MYO5A: variants seen among roughly 807,000 people sequenced by gnomAD.
MYO5A encodes unconventional myosin-Va.
A neutral mutation model predicts 249.7 loss-of-function variants in MYO5A; 98 were observed. The ratio of observed to expected loss-of-function variants is 0.39; its 90% CI spans 0.33 to 0.46. The LOEUF (loss-of-function observed/expected upper bound fraction) is 0.46. MYO5A is among the 20% of genes least tolerant of loss of function. The pLI is 0.98. For missense variants in MYO5A, 1,696 were observed against 2,308.8 expected, an observed-to-expected ratio of 0.73 and a Z score of 5.44; for synonymous variants, 778 against 810.6, an observed-to-expected ratio of 0.96 and a Z score of 0.68.
At chr15:52,367,168 G>C in intron 22 of MYO5A, 44 bp from the exon 23 acceptor site, 1 of 1,524,772 alleles carries the variant, frequency 6.6e-7, no homozygotes, top group Middle Eastern at 1.7e-4. Context: ...AATGGACAGA[G>C]GAAGCCTGAT....
chr15:52,528,766 G>C lies in MYO5A; in HGVS notation c.27+14C>G. The C allele has an allele frequency of 6.6e-7, 1 of 1,504,998 alleles. No homozygotes were observed. Among genetic ancestry groups the C allele is most frequent in the Non-Finnish European group, 8.8e-7 (1 of 1,133,834 alleles). 93.2% of individuals were successfully genotyped at this position (1,504,998 alleles called of 1,614,324 possible). ...ACAGCCCCAGTCCTCGACGCCGGCC[G>C]CGGGGTGCCTTACCTTTGTGTAGAG... On this transcript the variant is annotated intron_variant, in intron 1 of 41. Coordinates refer to ENST00000399233, the MANE Select transcript of MYO5A (RefSeq NM_001382347.1).
intron 1 of MYO5A, among the ~76,000 whole-genome samples, chr15:52,471,511 T>C (rs774533946): frequency 6.6e-6 from 1 of 151,446 alleles, no homozygotes; most frequent in Non-Finnish European, 1.5e-5. Context: ...TCCCAGCTAC[T>C]TGGGACACTG....
At chr15:52,450,755 A>G (rs72623982) in intron 1 of MYO5A, among the ~76,000 whole-genome samples, 23,903 of 150,868 alleles carry the variant, frequency 0.16, 1,968 homozygotes, top group Middle Eastern at 0.22. Context: ...CTCCCATCTC[A>G]GCCTCCCAGA....
rs1256845987 is a variant in MYO5A, at chr15:52,321,444, C to T, written c.4866G>A (p.Glu1622=). 7 of 1,614,212 alleles carry T rather than the reference C, an allele frequency of 4.3e-6. No individual in the cohort carries two copies. The highest frequency in any genetic ancestry group is 2.2e-5 in the East Asian group (1 of 44,884). The change falls in exon 38 of 42, where the codon GAG becomes GAA. Residue 1622 remains glutamate (E), a synonymous_variant. Transcript: ENST00000399233. ...EHCLTNFDLA[E]YRQVLSDLAI... The stretch of plus-strand genomic sequence containing the variant: ...CCAAGTCACTCAGCACCTGCCGATA[C>T]TCAGCCAGGTCAAAATTGGTGAGGC...
intron 40 of MYO5A, among the ~76,000 whole-genome samples, chr15:52,315,963 T>C (rs2037986734): frequency 1.3e-5 from 2 of 152,116 alleles, no homozygotes; most frequent in South Asian, 2.1e-4. Flanking sequence ...GGCTGGGCAC[T>C]GTGGCTCACG....
chr15:52,336,038 T>C (rs1056939058), intron 34 of MYO5A, among the ~76,000 whole-genome samples: 5 of 152,342 alleles, frequency 3.3e-5, no homozygotes, highest in African/African-American at 1.2e-4. Context: ...GTCAGATAGA[T>C]GCTATTATCT....
chr15:52,366,249 T>C (rs1305143066), intron 23 of MYO5A, among the ~76,000 whole-genome samples: 2 of 152,210 alleles, frequency 1.3e-5, no homozygotes, highest in Non-Finnish European at 2.9e-5. Context: ...TATACTTTTT[T>C]CTCAATATCC....
intron 1 of MYO5A, among the ~76,000 whole-genome samples, chr15:52,510,146 T>C (rs747808863): frequency 1.0e-4 from 15 of 150,420 alleles, no homozygotes; most frequent in Non-Finnish European, 1.9e-4. Context: ...GCTGAGACTC[T>C]GTTTTCCTAC....
intron 14 of MYO5A, among the ~76,000 whole-genome samples, chr15:52,384,650 C>T (rs531264480): frequency 1.2e-4 from 19 of 152,182 alleles, no homozygotes; most frequent in African/African-American, 4.3e-4. Flanking sequence ...AATTATTTTA[C>T]GAGAAAAACA....
At chr15:52,372,729 T>TATGA (rs2041192132) in intron 20 of MYO5A, among the ~76,000 whole-genome samples, 1 of 152,214 alleles carries the variant, frequency 6.6e-6, no homozygotes, top group African/African-American at 2.4e-5. Context: ...AGGTTTCTTA[T>TATGA]TAGTATATGA....
chr15:52,433,350 TATG>T (rs2075583493), intron 1 of MYO5A, 65 bp from the exon 2 acceptor site: 2 of 814,126 alleles, frequency 2.5e-6, no homozygotes, highest in South Asian at 1.5e-5. Flanking sequence ...TATATAAACA[TATG>T]ATAACTATTT....
chr15:52,429,729 A>G (rs1050175720), intron 2 of MYO5A, among the ~76,000 whole-genome samples: 1 of 152,054 alleles, frequency 6.6e-6, no homozygotes, highest in African/African-American at 2.4e-5. Flanking sequence ...AACAAACGAC[A>G]TTTTAATAGG....
chr15:52,517,577 T>C (rs2077520196), intron 1 of MYO5A, among the ~76,000 whole-genome samples: 1 of 152,100 alleles, frequency 6.6e-6, no homozygotes, highest in Non-Finnish European at 1.5e-5. Context: ...TCCCAGCTAC[T>C]CTGGGTGCCT....
chr15:52,497,779 A>C (rs1333543145), intron 1 of MYO5A, among the ~76,000 whole-genome samples: 1 of 146,312 alleles, frequency 6.8e-6, no homozygotes, highest in Non-Finnish European at 1.5e-5. Flanking sequence ...AAAAAAAAAG[A>C]AGCAGAAGAA....
chr15:52,413,206 T>A (rs868173249), intron 5 of MYO5A, among the ~76,000 whole-genome samples: 9 of 145,688 alleles, frequency 6.2e-5, no homozygotes, highest in Middle Eastern at 3.6e-3. Flanking sequence ...CTCACACCCA[T>A]AATCCCAGCA....
intron 1 of MYO5A, among the ~76,000 whole-genome samples, chr15:52,475,496 A>T (rs1055848526): frequency 3.3e-5 from 5 of 152,116 alleles, no homozygotes; most frequent in African/African-American, 1.2e-4. Flanking sequence ...TCAATTTTAG[A>T]TCTTTCCTGG....
At chr15:52,323,242 C>G in intron 37 of MYO5A, 113 bp downstream of exon 37, 1 of 858,686 alleles carries the variant, frequency 1.2e-6, no homozygotes. Context: ...TCCAAGCCAC[C>G]TCTGAATTTG....
In MYO5A at chr15:52,473,532, T is replaced by A. The variant is rs535292985; in HGVS notation, c.28-40247A>T. Among the ~76,000 whole-genome samples the A allele has an allele frequency of 4.6e-3, 701 of 152,328 alleles. 4 individuals are homozygous for A. The highest frequency in any genetic ancestry group is 0.01 in the Middle Eastern group (3 of 294). On this transcript the variant is annotated intron_variant, in intron 1 of 41. Transcript: ENST00000399233. ...CCAGGGTTTTTATGGTTTTAGGTCT[T>A]ACATTTAAGTCTTTAATCCATCGTG...
At chr15:52,470,898 C>T (rs1235757952) in intron 1 of MYO5A, among the ~76,000 whole-genome samples, 1 of 151,862 alleles carries the variant, frequency 6.6e-6, no homozygotes, top group Non-Finnish European at 1.5e-5. Context: ...TGACAGGCGC[C>T]TGTAGTCCCA....
Sources: gnomAD v4.1 joint callset for allele counts (sites outside exome capture counted in the v4.1 genomes callset) on GRCh38, gnomAD v4.1.1 for gene constraint, MANE v1.5 for transcripts, NCBI Gene and HGNC (gene_info 2026-07-23, HGNC 2026-07-21) for gene names.